Variants in CD1B observed in about 807,000 individuals in gnomAD.
The protein encoded by CD1B is CD1b molecule.
In CD1B, 43 loss-of-function variants were observed where a neutral mutation model predicts 39.8. The observed-to-expected ratio is 1.08, with a 90% CI of 0.85 to 1.39. The LOEUF (loss-of-function observed/expected upper bound fraction) is 1.39. CD1B is among the 40% of genes most tolerant of loss of function. The probability of loss-of-function intolerance (pLI) is 0.00; values close to 1 mark genes in which losing one functional copy is unlikely to be tolerated. For missense variants in CD1B, 495 were observed against 403.8 expected (o/e 1.23, Z -1.94); for synonymous variants, 192 against 152.5 (o/e 1.26, Z -1.91).
the CD1B span, chr1:158,292,014 C>T: frequency 2.1e-6 from 3 of 1,460,304 alleles, no homozygotes; most frequent in Non-Finnish European, 2.8e-6. Context: ...CCTGATACAG[C>T]CCTAGGTTTT....
chr1:158,293,560 C>A, the CD1B span: 1 of 1,613,920 alleles, frequency 6.2e-7, no homozygotes. Context: ...ATCCCGTCGA[C>A]TCTCCATTTA....
the CD1B span, among the ~76,000 whole-genome samples, chr1:158,320,111 G>A: frequency 1.3e-5 from 2 of 152,232 alleles, no homozygotes; most frequent in African/African-American, 2.4e-5. Context: ...ACAGCTTTTT[G>A]TTTGTCTGTG....
the CD1B span, among the ~76,000 whole-genome samples, chr1:158,304,126 C>A: frequency 6.6e-6 from 1 of 152,158 alleles, no homozygotes; most frequent in Non-Finnish European, 1.5e-5. Context: ...CCAGCGAGAG[C>A]CAAAGCAGGA....
chr1:158,304,378 C>T, the CD1B span, among the ~76,000 whole-genome samples: 1 of 152,134 alleles, frequency 6.6e-6, no homozygotes, highest in African/African-American at 2.4e-5. Flanking sequence ...TGCAAGGCAG[C>T]AGAGAGGCTG....
downstream of CD1B, among the ~76,000 whole-genome samples, chr1:158,325,637 TTA>T (rs1304328720): frequency 6.9e-6 from 1 of 145,294 alleles, no homozygotes; most frequent in Non-Finnish European, 1.5e-5. Context: ...GACATACATT[TTA>T]TACACACACA....
chr1:158,297,144 CAAT>C, the CD1B span, among the ~76,000 whole-genome samples: 2 of 152,040 alleles, frequency 1.3e-5, no homozygotes, highest in Non-Finnish European at 2.9e-5. Flanking sequence ...TCAAGATACA[CAAT>C]AATAAGATTA....
chr1:158,297,769 C>CA, the CD1B span, among the ~76,000 whole-genome samples: 6 of 151,692 alleles, frequency 4.0e-5, no homozygotes, highest in African/African-American at 7.3e-5. Flanking sequence ...CCCATTTCTA[C>CA]AAAAAAACCA....
Position 158,330,122 on chromosome 1 carries a change from C to T in CD1B, c.337G>A (p.Glu113Lys). Residue 113 changes from glutamate (E) to lysine (K), a missense_variant, in exon 3 of 6, where the codon GAG becomes AAG. Physicochemically the swap from Glu to Lys is moderately conservative, Grantham distance 56. Transcript: ENST00000368168. ...TCACAGCCTGCTATGCCCTGGATCT[C>T]AAAGGGGTCTATGTAGAGGGAAAAG... ...AGDFQMKYPF[E>K]IQGIAGCELH... is the part of the protein sequence containing the mutation. 5 of 1,612,528 alleles carry T rather than the reference C, an allele frequency of 3.1e-6. No homozygotes were observed. Among genetic ancestry groups the T allele is most frequent in the Non-Finnish European group, 4.2e-6 (5 of 1,179,368 alleles).
the CD1B span, chr1:158,291,147 C>T: frequency 2.8e-5 from 45 of 1,613,082 alleles, no homozygotes; most frequent in South Asian, 9.9e-5. Context: ...CCCAGGAACA[C>T]GTCTCCTTCC....
chr1:158,292,666 C>T, the CD1B span: 2 of 1,613,906 alleles, frequency 1.2e-6, no homozygotes, highest in Non-Finnish European at 8.5e-7. Context: ...TTTGTCATGC[C>T]TCCGGCTTCT....
the CD1B span, among the ~76,000 whole-genome samples, chr1:158,298,813 G>A: frequency 6.6e-6 from 1 of 152,080 alleles, no homozygotes; most frequent in Non-Finnish European, 1.5e-5. Context: ...TTGGCTCTCT[G>A]TTTGTCTGTT....
At chr1:158,316,847 A>G in the CD1B span, among the ~76,000 whole-genome samples, 2 of 151,956 alleles carry the variant, frequency 1.3e-5, no homozygotes, top group Admixed American at 6.6e-5. Flanking sequence ...TACCTAATTT[A>G]TTGAGAGTTT....
the CD1B span, among the ~76,000 whole-genome samples, chr1:158,297,961 A>AAT: frequency 6.6e-6 from 1 of 151,244 alleles, no homozygotes; most frequent in African/African-American, 2.4e-5. Flanking sequence ...AAAAAAAAAA[A>AAT]AATAAACAAG....
the CD1B span, among the ~76,000 whole-genome samples, chr1:158,300,500 T>C: frequency 6.6e-6 from 1 of 152,208 alleles, no homozygotes; most frequent in Non-Finnish European, 1.5e-5. Context: ...TTAGGTCTGC[T>C]TGGTGCAGAG....
the CD1B span, among the ~76,000 whole-genome samples, chr1:158,322,497 GTTT>G: frequency 0.98 from 148,650 of 151,324 alleles, 73,023 homozygotes; most frequent in Middle Eastern, 1. Context: ...AAATCCTTGG[GTTT>G]TTTAGTCAAT....
chr1:158,327,433 G>C (rs1251287195), downstream of CD1B, among the ~76,000 whole-genome samples: 1 of 151,932 alleles, frequency 6.6e-6, no homozygotes, highest in African/African-American at 2.4e-5. Context: ...AATATTTTTT[G>C]GCTAAGTGGA....
At chr1:158,313,017 G>A in the CD1B span, among the ~76,000 whole-genome samples, 1 of 152,072 alleles carries the variant, frequency 6.6e-6, no homozygotes, top group African/African-American at 2.4e-5. Flanking sequence ...GTTTAGGTAC[G>A]TTCCTTATAT....
At chr1:158,293,474 T>C in the CD1B span, 1 of 1,614,142 alleles carries the variant, frequency 6.2e-7, no homozygotes, top group Non-Finnish European at 8.5e-7. Context: ...GGACATCCTG[T>C]GAGACTCTTC....
chr1:158,323,036 C>T (rs1168034948), downstream of CD1B, among the ~76,000 whole-genome samples: 6 of 151,996 alleles, frequency 3.9e-5, no homozygotes, highest in Non-Finnish European at 5.9e-5. Flanking sequence ...ACATCTTTTT[C>T]CAGGATTGTA....
Sources: gnomAD v4.1 joint callset for allele counts (sites outside exome capture counted in the v4.1 genomes callset) on GRCh38, gnomAD v4.1.1 for gene constraint, MANE v1.5 for transcripts, NCBI Gene and HGNC (gene_info 2026-07-23, HGNC 2026-07-21) for gene names.